The following SPRR1B variants were observed in gnomAD, a reference collection of about 807,000 sequenced individuals.
SPRR1B encodes small proline rich protein 1B, also known as cornifin-B.
SPRR1B carries 1 observed loss-of-function variant against 1.2 expected under a neutral mutation model. The observed-to-expected ratio is 0.82, with a 90% confidence interval of 0.29 to 3.89. The LOEUF (loss-of-function observed/expected upper bound fraction) is 3.89. Among genes scored for constraint, SPRR1B ranks in the 30% most tolerant of loss-of-function variants. The probability of loss-of-function intolerance (pLI) is 0.18; values close to 1 mark genes in which losing one functional copy is unlikely to be tolerated. For synonymous variants in SPRR1B, 37 were observed against 38.3 expected, an observed-to-expected ratio of 0.97 and a Z score of 0.13; for missense variants, 102 against 106.0, an observed-to-expected ratio of 0.96 and a Z score of 0.17.
intron 1 of SPRR1B, 111 bp from the exon 2 acceptor site, chr1:153,032,216 T>A: frequency 7.6e-7 from 1 of 1,313,680 alleles, no homozygotes; most frequent in Non-Finnish European, 1.0e-6. Flanking sequence ...AATTAAGTAT[T>A]CTTTGTGGTC....
At position 153,032,576 on chromosome 1, in the gene SPRR1B, C is replaced by T; in HGVS notation, c.231C>T (p.Val77=). 1 of 1,613,962 alleles carries T rather than the reference C, an allele frequency of 6.2e-7. No individual in the cohort carries two copies. The highest frequency in any genetic ancestry group is 8.5e-7 in the Non-Finnish European group (1 of 1,179,994). ...PKVPEPCPSI[V]TPAPAQQKTK... ...TGCCTGAGCCCTGCCCTTCAATAGT[C>T]ACTCCAGCACCAGCCCAGCAGAAGA... The change falls in exon 2 of 2, where the codon GTC becomes GTT. Residue 77 remains valine, a synonymous_variant. Coordinates refer to ENST00000307098, the MANE Select transcript of SPRR1B (RefSeq NM_003125.3).
At chr1:153,031,314 T>C (rs943817506) in intron 1 of SPRR1B, 67 bp downstream of exon 1, 4 of 119,148 alleles carry the variant, frequency 3.4e-5, no homozygotes, top group African/African-American at 1.0e-4. Flanking sequence ...AGAGTCTCCT[T>C]GGCATTCTTG....
In SPRR1B at chr1:153,032,874, C is replaced by A. The variant is rs1195669621; in HGVS notation, c.*259C>A. ...AAGCAAATGATTCAGCTCCCTTATA[C>A]CCCCATTAAATTCACTTTCAATTCC... On this transcript the variant is annotated 3_prime_UTR_variant, in exon 2 of 2. Transcript: ENST00000307098. The A allele has an allele frequency of 3.3e-6, 2 of 597,786 alleles. No homozygotes were observed. The highest frequency in any genetic ancestry group is 6.0e-5 in the East Asian group (2 of 33,586). 37.0% of individuals were successfully genotyped at this position (597,786 alleles called of 1,614,324 possible). A position where few individuals can be genotyped will look rare whatever the true frequency, so the allele number is the denominator to read the frequency against.
chr1:153,032,194 G>C, intron 1 of SPRR1B, 133 bp from the exon 2 acceptor site: 3 of 1,198,580 alleles, frequency 2.5e-6, no homozygotes, highest in Non-Finnish European at 3.5e-6. Context: ...TTCTTCAAAG[G>C]CTCAGAAATT....
At position 153,031,417 on chromosome 1, in the gene SPRR1B, T is replaced by A. The variant is rs4845517; in HGVS notation, c.-20+170T>A. Reference sequence around the variant, plus strand: ...TAGGAATATCTTCATTTTAAAAGTGTTCATACTGTAGGCTTGAAGAGAATT... The same window carrying A: ...TAGGAATATCTTCATTTTAAAAGTGATCATACTGTAGGCTTGAAGAGAATT... On this transcript the variant is annotated intron_variant, in intron 1 of 1. Coordinates refer to ENST00000307098, the MANE Select transcript of SPRR1B (RefSeq NM_003125.3). Among the ~76,000 whole-genome samples, 74,714 of 151,750 alleles carry A rather than the reference T, an allele frequency of 0.49. 18,500 individuals are homozygous for A. The highest frequency in any genetic ancestry group is 0.61 in the East Asian group (3,147 of 5,150).
In SPRR1B at chr1:153,032,312, CT is replaced by C; in HGVS notation, c.-19-14del. The stretch of plus-strand genomic sequence containing the variant: ...CCCTATTATTCTCTGCTTAAATCAT[CT>C]GTTCTGTGTCCAGGACCAGTCACTG... On this transcript the variant is annotated splice_polypyrimidine_tract_variant and intron_variant, in intron 1 of 1. Coordinates refer to ENST00000307098, the MANE Select transcript of SPRR1B (RefSeq NM_003125.3). 6.2e-7 allele frequency: 1 copy of C among 1,602,598 alleles called. No individual in the cohort carries two copies. The highest frequency in any genetic ancestry group is 1.3e-5 in the African/African-American group (1 of 74,660).
intron 1 of SPRR1B, among the ~76,000 whole-genome samples, chr1:153,031,966 T>C (rs1419251920): frequency 2.0e-5 from 3 of 152,142 alleles, no homozygotes; most frequent in Non-Finnish European, 2.9e-5. Context: ...GTCAGAGTTA[T>C]ACAATAGATG....
chr1:153,032,311 T>A lies in SPRR1B; in HGVS notation c.-19-16T>A. ...TCCCTATTATTCTCTGCTTAAATCA[T>A]CTGTTCTGTGTCCAGGACCAGTCAC... On this transcript the variant is annotated splice_polypyrimidine_tract_variant and intron_variant, in intron 1 of 1. Transcript: ENST00000307098. The A allele has an allele frequency of 3.1e-6, 5 of 1,602,434 alleles. No homozygotes were observed. Among genetic ancestry groups the A allele is most frequent in the Non-Finnish European group, 4.3e-6 (5 of 1,173,952 alleles).
In SPRR1B at chr1:153,032,890, T is replaced by C. The variant is rs1653752431; in HGVS notation, c.*275T>C. ...TCCCTTATACCCCCATTAAATTCAC[T>C]TTCAATTCCACTCTTGACTGTGTGT... On this transcript the variant is annotated 3_prime_UTR_variant, in exon 2 of 2. Coordinates refer to ENST00000307098, the MANE Select transcript of SPRR1B (RefSeq NM_003125.3). 9.2e-6 allele frequency: 5 copies of C among 542,514 alleles called. No individual in the cohort carries two copies. The South Asian group carries it at 1.5e-4, about 16-fold the overall frequency. 33.6% of individuals were successfully genotyped at this position (542,514 alleles called of 1,614,324 possible). A position where few individuals can be genotyped will look rare whatever the true frequency, so the allele number is the denominator to read the frequency against.
At chr1:153,031,490 G>C (rs548816750) in intron 1 of SPRR1B, among the ~76,000 whole-genome samples, 2 of 152,100 alleles carry the variant, frequency 1.3e-5, no homozygotes, top group African/African-American at 4.8e-5. Context: ...AGCAAGAAGG[G>C]GGTTGGTTTA....
rs1383650288 is a variant in SPRR1B at position 153,032,244 on chromosome 1, T to C, written c.-19-83T>C. Reference sequence around the variant, plus strand: ...TTGTGGTCAAGAAGGGGAAAGAACATAGCTTTTTAAGAGACCAGAAGTGGT... The same window carrying C: ...TTGTGGTCAAGAAGGGGAAAGAACACAGCTTTTTAAGAGACCAGAAGTGGT... On this transcript the variant is annotated intron_variant, in intron 1 of 1. Coordinates refer to ENST00000307098, the MANE Select transcript of SPRR1B (RefSeq NM_003125.3). 4.8e-6 allele frequency: 7 copies of C among 1,458,146 alleles called. No homozygotes were observed. In the East Asian group the frequency reaches 1.1e-4, roughly 24 times the overall value. 90.3% of individuals were successfully genotyped at this position (1,458,146 alleles called of 1,614,324 possible).
chr1:153,031,958 C>T lies in SPRR1B; in HGVS notation c.-19-369C>T, dbSNP rs17880080. 1.4e-3 allele frequency among the ~76,000 whole-genome samples: 207 copies of T among 152,044 alleles called. 5 individuals are homozygous for T. In the East Asian group the frequency reaches 0.039, roughly 28 times the overall value. ...GGATTGCTTGGGGTTCTAGAGAGGT[C>T]AGAGTTATACAATAGATGATAAGCC... On this transcript the variant is annotated intron_variant, in intron 1 of 1. Coordinates refer to ENST00000307098, the MANE Select transcript of SPRR1B (RefSeq NM_003125.3).
At chr1:153,032,169 A>G (rs999760708) in intron 1 of SPRR1B, among the ~76,000 whole-genome samples, 158 bp from the exon 2 acceptor site, 2 of 152,218 alleles carry the variant, frequency 1.3e-5, no homozygotes, top group African/African-American at 4.8e-5. Flanking sequence ...AGAGCAAATC[A>G]TCTTTAGGTT....
Position 153,032,511 on chromosome 1 carries a change from C to T in SPRR1B, c.166C>T (p.Pro56Ser). 6.7e-7 allele frequency: 1 copy of T among 1,494,142 alleles called. No homozygotes were observed. Among genetic ancestry groups the T allele is most frequent in the African/African-American group, 1.4e-5 (1 of 73,060 alleles). 92.6% of individuals were successfully genotyped at this position (1,494,142 alleles called of 1,614,324 possible). A position where few individuals can be genotyped will look rare whatever the true frequency, so the allele number is the denominator to read the frequency against. The stretch of plus-strand genomic sequence containing the variant: ...GCCCTGCCACCCCAAAGTGCCCGAG[C>T]CCTGCCAGCCCAAGGTTCCAGAGCC... ...PEPCHPKVPEPCQPKVPEPCH... is the reference protein window; with the variant it reads ...PEPCHPKVPESCQPKVPEPCH... The change falls in exon 2 of 2, where the codon CCC (proline) becomes TCC (serine). Residue 56 changes from proline to serine, a missense_variant. Transcript: ENST00000307098.
At position 153,032,450 on chromosome 1, in the gene SPRR1B, C is replaced by G. The variant is rs17880894; in HGVS notation, c.105C>G (p.Pro35=). 4,387 of 1,613,916 alleles carry G rather than the reference C, an allele frequency of 2.7e-3. 87 individuals are homozygous for G. In the African/African-American group the frequency reaches 0.047, roughly 17 times the overall value. The part of the protein sequence containing the change: ...CQPPPQEPCI[P]KTKEPCHPKV... ...CTCCACCTCAGGAACCATGCATCCC[C>G]AAAACCAAGGAGCCCTGCCACCCCA... The change falls in exon 2 of 2, where the codon CCC becomes CCG. Residue 35 remains proline, a synonymous_variant. Coordinates refer to ENST00000307098, the MANE Select transcript of SPRR1B (RefSeq NM_003125.3).
chr1:153,032,681 G>A lies in SPRR1B; in HGVS notation c.*66G>A, dbSNP rs911394728. On this transcript the variant is annotated 3_prime_UTR_variant, in exon 2 of 2. Transcript: ENST00000307098. ...TGCTGAATCCCCTATCCCATTCTGC[G>A]TATGAGTCCCATTTGCCTTGCAATT... is the stretch of plus-strand genomic sequence containing the variant. 3.2e-6 allele frequency: 5 copies of A among 1,554,396 alleles called. No individual in the cohort carries two copies. In the South Asian group the frequency reaches 3.7e-5, roughly 12 times the overall value.
Position 153,032,717 on chromosome 1 carries a change from C to T in SPRR1B, c.*102C>T. On this transcript the variant is annotated 3_prime_UTR_variant, in exon 2 of 2. Transcript: ENST00000307098. Reference sequence around the variant, plus strand: ...ATTTGCCTTGCAATTAGCATTCTGTCTCCCCCAAAAAAGAATGTGCTATGA... The same window carrying T: ...ATTTGCCTTGCAATTAGCATTCTGTTTCCCCCAAAAAAGAATGTGCTATGA... The T allele has an allele frequency of 1.3e-6, 2 of 1,512,260 alleles. No homozygotes were observed. Among genetic ancestry groups the T allele is most frequent in the Non-Finnish European group, 1.8e-6 (2 of 1,129,222 alleles). 93.7% of individuals were successfully genotyped at this position (1,512,260 alleles called of 1,614,324 possible).
chr1:153,031,770 G>T lies in SPRR1B; in HGVS notation c.-20+523G>T, dbSNP rs537080152. Among the ~76,000 whole-genome samples, 520 of 152,304 alleles carry T rather than the reference G, an allele frequency of 3.4e-3. 1 individual carries two copies. The highest frequency in any genetic ancestry group is 0.012 in the African/African-American group (494 of 41,550). ...TATCAGTGCCAGGTGATTAGGGCAA[G>T]TTCTGTGACAGTTTGGGAATAGAGA... On this transcript the variant is annotated intron_variant, in intron 1 of 1. Coordinates refer to ENST00000307098, the MANE Select transcript of SPRR1B (RefSeq NM_003125.3).
chr1:153,032,373 T>C lies in SPRR1B; in HGVS notation c.28T>C (p.Cys10Arg). 6.2e-7 allele frequency: 1 copy of C among 1,613,806 alleles called. No individual in the cohort carries two copies. The highest frequency in any genetic ancestry group is 2.2e-5 in the East Asian group (1 of 44,836). Reference protein sequence around the residue: MSSQQQKQPCTPPPQLQQQQ... With the variant: MSSQQQKQPRTPPPQLQQQQ... ...GAGTTCCCAGCAGCAGAAGCAGCCT[T>C]GCACCCCACCCCCTCAGCTTCAGCA... The change falls in exon 2 of 2, where the codon TGC (cysteine) becomes CGC (arginine). Residue 10 changes from cysteine to arginine, a missense_variant. Cys to Arg is a radical substitution (Grantham distance 180, BLOSUM62 -3). Coordinates refer to ENST00000307098, the MANE Select transcript of SPRR1B (RefSeq NM_003125.3).
Sources: gnomAD v4.1 joint callset for allele counts (sites outside exome capture counted in the v4.1 genomes callset) on GRCh38, gnomAD v4.1.1 for gene constraint, MANE v1.5 for transcripts, NCBI Gene and HGNC (gene_info 2026-07-23, HGNC 2026-07-21) for gene names.